ZMIZ1: variants seen among roughly 807,000 people sequenced by gnomAD.
ZMIZ1 encodes the protein zinc finger MIZ-type containing 1.
ZMIZ1 carries 17 observed loss-of-function variants against 113.9 expected under a neutral mutation model. That is an observed-to-expected ratio of 0.15 (90% confidence interval 0.10 to 0.22). ZMIZ1 has a LOEUF of 0.22. ZMIZ1 is among the 10% of genes least tolerant of loss of function. ZMIZ1 has a pLI of 1.00. For missense variants in ZMIZ1, 1,059 were observed against 1,477.8 expected (o/e 0.72, Z 4.65); for synonymous variants, 607 against 603.1 (o/e 1.01, Z -0.09).
At chr10:79,259,492 G>C (rs1851127206) in intron 7 of ZMIZ1, among the ~76,000 whole-genome samples, 1 of 152,118 alleles carries the variant, frequency 6.6e-6, no homozygotes, top group South Asian at 2.1e-4. Flanking sequence ...CTCCATTAAT[G>C]GGGTATTTTG....
intron 3 of ZMIZ1, among the ~76,000 whole-genome samples, chr10:79,141,837 G>A (rs1845284655): frequency 6.6e-6 from 1 of 152,178 alleles, no homozygotes; most frequent in African/African-American, 2.4e-5. Flanking sequence ...CAGGATAGGG[G>A]GCGAAGTCAG....
At chr10:79,074,660 C>A (rs111854140) in intron 1 of ZMIZ1, among the ~76,000 whole-genome samples, 4 of 152,348 alleles carry the variant, frequency 2.6e-5, no homozygotes, top group African/African-American at 9.6e-5. Context: ...CGGGCTGAGT[C>A]AGTCCCCAGG....
intron 3 of ZMIZ1, among the ~76,000 whole-genome samples, chr10:79,146,742 C>T (rs1046166984): frequency 5.9e-5 from 9 of 152,198 alleles, no homozygotes; most frequent in African/African-American, 2.2e-4. Context: ...TCTGCCCCCT[C>T]CCTCTGCTCC....
chr10:79,259,063 C>T (rs1851095458), intron 7 of ZMIZ1, among the ~76,000 whole-genome samples: 1 of 152,174 alleles, frequency 6.6e-6, no homozygotes. Context: ...GCCCCAGCCG[C>T]CCGTATTAGT....
rs1477891777 is a variant in ZMIZ1 at position 79,277,289 on chromosome 10, G to A, written c.389G>A (p.Ser130Asn). 1.2e-6 allele frequency: 2 copies of A among 1,601,120 alleles called. No homozygotes were observed. The highest frequency in any genetic ancestry group is 3.5e-5 in the Admixed American group (2 of 57,834). Reference sequence around the variant, plus strand: ...AAACTCCCCATGCAGCCCCCTCTCAGCTCCATGAGCTCCATGAAACCCACT... The same window carrying A: ...AAACTCCCCATGCAGCCCCCTCTCAACTCCATGAGCTCCATGAAACCCACT... ...PGKLPMQPPL[S>N]SMSSMKPTLS... Residue 130 changes from serine to asparagine, a missense_variant, in exon 8 of 25, where the codon AGC becomes AAC. Ser to Asn is a conservative substitution (Grantham distance 46, BLOSUM62 1). Around this residue, in one of 6 missense-constraint regions of ZMIZ1, gnomAD observed 272 missense variants for 350.4 expected, o/e 0.78. Coordinates refer to ENST00000334512, the MANE Select transcript of ZMIZ1 (RefSeq NM_020338.4).
At chr10:79,117,001 C>T (rs1470988597) in intron 1 of ZMIZ1, among the ~76,000 whole-genome samples, 1 of 152,382 alleles carries the variant, frequency 6.6e-6, no homozygotes, top group Non-Finnish European at 1.5e-5. Context: ...GCTCATGTGA[C>T]TCCAGTCACG....
At position 79,296,625 on chromosome 10, in the gene ZMIZ1, C is replaced by T; in HGVS notation, c.1385C>T (p.Pro462Leu). 10 of 1,588,298 alleles carry T rather than the reference C, an allele frequency of 6.3e-6. No individual in the cohort carries two copies. Among genetic ancestry groups the T allele is most frequent in the Non-Finnish European group, 8.6e-6 (10 of 1,166,388 alleles). ...SQPSSGQYPPPTVNMGQYYKP... is the reference protein window; with the variant it reads ...SQPSSGQYPPLTVNMGQYYKP... ...CCGAGCTCCGGGCAGTACCCGCCCC[C>T]CACGGTCAACATGGGGCAGTATTAC... Residue 462 changes from proline (P) to leucine (L), a missense_variant, in exon 13 of 25, where the codon CCC (proline) becomes CTC (leucine). Transcript: ENST00000334512. The surrounding 1 kb of genome is among the most constrained non-coding windows in gnomAD (Gnocchi z 4.1).
chr10:79,197,595 T>TACACAC (rs10648318), intron 4 of ZMIZ1, among the ~76,000 whole-genome samples: 6,093 of 136,166 alleles, frequency 0.045, 245 homozygotes, highest in East Asian at 0.089. Flanking sequence ...ACCCAGACCA[T>TACACAC]ACACACACAC....
intron 19 of ZMIZ1, 122 bp from the exon 20 acceptor site, chr10:79,305,042 C>T (rs1163198825): frequency 9.1e-6 from 10 of 1,095,590 alleles, no homozygotes; most frequent in East Asian, 2.5e-5. Context: ...AGCCCCAGCC[C>T]GGGGTTTCTC....
intron 7 of ZMIZ1, among the ~76,000 whole-genome samples, chr10:79,232,877 T>G (rs1229383758): frequency 6.6e-6 from 1 of 152,178 alleles, no homozygotes; most frequent in African/African-American, 2.4e-5. Flanking sequence ...ATCTGTGGAA[T>G]GGGAACAGCA....
chr10:79,224,013 A>G (rs1849100716), intron 7 of ZMIZ1, among the ~76,000 whole-genome samples: 1 of 152,240 alleles, frequency 6.6e-6, no homozygotes, highest in African/African-American at 2.4e-5. Flanking sequence ...AGAATGAGAA[A>G]GGGCAGATGT....
In ZMIZ1 at chr10:79,249,962, G is replaced by T. The variant is rs1850447262; in HGVS notation, c.281-27219G>T. Among the ~76,000 whole-genome samples the T allele has an allele frequency of 2.0e-5, 3 of 152,196 alleles. No individual in the cohort carries two copies. The East Asian group carries it at 5.8e-4, about 29-fold the overall frequency. On this transcript the variant is annotated intron_variant, in intron 7 of 24. Transcript: ENST00000334512. The stretch of plus-strand genomic sequence containing the variant: ...AGGTGACTTTGAGTAAGTCACCAAG[G>T]TTCTCTGAGCCTCTGTTTCCTGATC...
chr10:79,077,357 G>A (rs768384466), intron 1 of ZMIZ1, among the ~76,000 whole-genome samples: 3 of 152,154 alleles, frequency 2.0e-5, no homozygotes, highest in Non-Finnish European at 4.4e-5. Context: ...CAAGTGGGAC[G>A]CGACCTTATA....
chr10:79,276,188 A>G (rs1229129953), intron 7 of ZMIZ1, among the ~76,000 whole-genome samples: 2 of 152,176 alleles, frequency 1.3e-5, no homozygotes, highest in African/African-American at 4.8e-5. Context: ...ACCTCTAAGC[A>G]AACTGAGGCC....
At chr10:79,302,672 C>G (rs1854384981) in intron 18 of ZMIZ1, among the ~76,000 whole-genome samples, 1 of 137,492 alleles carries the variant, frequency 7.3e-6, no homozygotes, top group African/African-American at 2.8e-5. Context: ...CCTACTTCAA[C>G]AGCTCATGCT....
At chr10:79,080,599 G>C (rs1322326502) in intron 1 of ZMIZ1, among the ~76,000 whole-genome samples, 2 of 152,168 alleles carry the variant, frequency 1.3e-5, no homozygotes. Flanking sequence ...GTGAGTCACT[G>C]CGCCGGGCCT....
chr10:79,108,667 A>G (rs1423398360), intron 1 of ZMIZ1, among the ~76,000 whole-genome samples: 6 of 152,030 alleles, frequency 3.9e-5, no homozygotes, highest in Non-Finnish European at 1.5e-5. Flanking sequence ...CCTAATACAC[A>G]CAGATCGTGG....
chr10:79,130,244 G>T (rs1338120627), intron 2 of ZMIZ1, among the ~76,000 whole-genome samples: 3 of 152,056 alleles, frequency 2.0e-5, no homozygotes, highest in Non-Finnish European at 4.4e-5. Context: ...GAATTTTGAG[G>T]CTGACATTAA....
At chr10:79,218,749 T>C (rs1185150504) in intron 7 of ZMIZ1, among the ~76,000 whole-genome samples, 1 of 151,678 alleles carries the variant, frequency 6.6e-6, no homozygotes, top group Non-Finnish European at 1.5e-5. Flanking sequence ...GTTGAGTAAG[T>C]GAAGAAAAAG....
Sources: gnomAD v4.1 joint callset for allele counts (sites outside exome capture counted in the v4.1 genomes callset) on GRCh38, gnomAD v4.1.1 for gene constraint, gnomAD v4.1.1 regional missense constraint, Gnocchi (gnomAD v3.1) non-coding constraint, MANE v1.5 for transcripts, NCBI Gene and HGNC (gene_info 2026-07-23, HGNC 2026-07-21) for gene names.